SSBP2: variants seen among roughly 807,000 people sequenced by gnomAD.
The protein encoded by SSBP2 is single stranded DNA binding protein 2, also known as single-stranded DNA-binding protein 2.
A neutral mutation model predicts 61.8 loss-of-function variants in SSBP2; 17 were observed. That is an observed-to-expected ratio of 0.28 (90% CI 0.19 to 0.41). The LOEUF is 0.41. SSBP2 is among the 10% of genes least tolerant of loss of function. The pLI, the probability that SSBP2 is intolerant of heterozygous loss-of-function variation, is 1.00. For synonymous variants in SSBP2, 139 were observed against 141.3 expected, an observed-to-expected ratio of 0.98 and a Z score of 0.12; for missense variants, 310 against 458.7, an observed-to-expected ratio of 0.68 and a Z score of 2.96.
chr5:81,505,473 C>A (rs1384795640), intron 5 of SSBP2, among the ~76,000 whole-genome samples: 5 of 152,136 alleles, frequency 3.3e-5, no homozygotes, highest in African/African-American at 1.2e-4. Flanking sequence ...TGTTCCTTAT[C>A]TTTAATTCCC....
chr5:81,742,404 T>C (rs1757085809), intron 1 of SSBP2, among the ~76,000 whole-genome samples: 1 of 152,188 alleles, frequency 6.6e-6, no homozygotes, highest in African/African-American at 2.4e-5. Context: ...CTAGATACGG[T>C]GATAGACTAT....
chr5:81,557,271 C>G (rs779672019), intron 4 of SSBP2, among the ~76,000 whole-genome samples: 15 of 152,086 alleles, frequency 9.9e-5, no homozygotes, highest in Non-Finnish European at 1.5e-4. Context: ...TTTAGATTTT[C>G]TCTTAGCCAC....
At chr5:81,682,817 A>T (rs1752496392) in intron 1 of SSBP2, among the ~76,000 whole-genome samples, 1 of 152,196 alleles carries the variant, frequency 6.6e-6, no homozygotes. Context: ...CAATTATAGT[A>T]AGTTTGCAGA....
At chr5:81,512,780 T>C (rs1768714370) in intron 5 of SSBP2, among the ~76,000 whole-genome samples, 1 of 152,148 alleles carries the variant, frequency 6.6e-6, no homozygotes, top group African/African-American at 2.4e-5. Flanking sequence ...TGAAGAACTC[T>C]GAAAATACAA....
At chr5:81,455,783 CTTA>C (rs1362245511) in intron 10 of SSBP2, among the ~76,000 whole-genome samples, 3 of 152,052 alleles carry the variant, frequency 2.0e-5, no homozygotes, top group Non-Finnish European at 4.4e-5. Flanking sequence ...ATTTGAAGAA[CTTA>C]TTATTTGACA....
rs59039206 is a variant in SSBP2 at position 81,488,010 on chromosome 5, A to AATATATAT, written c.432+1232_432+1239dup. Among the ~76,000 whole-genome samples the AATATATAT allele has an allele frequency of 6.1e-3, 236 of 38,398 alleles. 5 individuals are homozygous for AATATATAT. Among genetic ancestry groups the AATATATAT allele is most frequent in the Non-Finnish European group, 8.7e-3 (170 of 19,562 alleles). The allele number at this position is 38,398 out of a possible 152,430, so 25.2% of individuals were successfully genotyped here. On this transcript the variant is annotated intron_variant, in intron 6 of 16. Transcript: ENST00000320672. ...ATTTCCTTCTTGTTTATGGCCAAAT[A>AATATATAT]ATATATATATATATATATATATATA...
chr5:81,614,965 A>G (rs1406031552), intron 4 of SSBP2: 1 of 152,616 alleles, frequency 6.6e-6, no homozygotes, highest in African/African-American at 2.4e-5. Context: ...AGAATCTTCT[A>G]CTCTTGTCTG....
At position 81,451,303 on chromosome 5, in the gene SSBP2, A is replaced by G. The variant is rs1580717842; in HGVS notation, c.688-2478T>C. Among the ~76,000 whole-genome samples the G allele has an allele frequency of 2.0e-5, 3 of 152,038 alleles. No individual in the cohort carries two copies. The Middle Eastern group carries it at 0.01, about 521-fold the overall frequency. On this transcript the variant is annotated intron_variant, in intron 10 of 16. Transcript: ENST00000320672. ...CAGCTCAACATTCTATTATTTATAG[A>G]TTTAAATTTTCATGTATATCCCAGA...
At chr5:81,704,338 C>T (rs1561710096) in intron 1 of SSBP2, among the ~76,000 whole-genome samples, 1 of 152,192 alleles carries the variant, frequency 6.6e-6, no homozygotes, top group East Asian at 1.9e-4. Flanking sequence ...TCCCATTTCT[C>T]TGACATACTA....
At chr5:81,672,472 T>C (rs1751650243) in intron 1 of SSBP2, among the ~76,000 whole-genome samples, 1 of 151,956 alleles carries the variant, frequency 6.6e-6, no homozygotes, top group African/African-American at 2.4e-5. Flanking sequence ...TCTCCACATA[T>C]GAAGCCAAAA....
At chr5:81,641,021 T>A (rs1748736654) in intron 2 of SSBP2, among the ~76,000 whole-genome samples, 2 of 152,190 alleles carry the variant, frequency 1.3e-5, no homozygotes, top group South Asian at 4.1e-4. Context: ...GACTGTGAAA[T>A]AAATAGATTT....
chr5:81,433,188 T>C (rs1418206534), intron 15 of SSBP2, among the ~76,000 whole-genome samples: 5 of 151,862 alleles, frequency 3.3e-5, no homozygotes, highest in Non-Finnish European at 7.4e-5. Context: ...GGGGAAAAGA[T>C]TGAGAAATCG....
At chr5:81,539,534 G>A (rs562067397) in intron 4 of SSBP2, among the ~76,000 whole-genome samples, 26 of 152,248 alleles carry the variant, frequency 1.7e-4, no homozygotes, top group African/African-American at 4.8e-4. Context: ...AAACAGTATT[G>A]TATGCTATTG....
Position 81,413,585 on chromosome 5 carries a change from C to T in SSBP2, c.*6919G>A, listed in dbSNP as rs1342311079. The T allele has an allele frequency of 2.0e-5, 3 of 152,240 alleles. No individual in the cohort carries two copies. Among genetic ancestry groups the T allele is most frequent in the Non-Finnish European group, 2.9e-5 (2 of 67,984 alleles). 9.4% of individuals were successfully genotyped at this position (152,240 alleles called of 1,614,324 possible). A position where few individuals can be genotyped will look rare whatever the true frequency, so the allele number is the denominator to read the frequency against. Reference sequence around the variant, plus strand: ...TACGTTAATGGCTATCATAAGTATTCTATTTATAAAGACTTTACCATTTTT... The same window carrying T: ...TACGTTAATGGCTATCATAAGTATTTTATTTATAAAGACTTTACCATTTTT... On this transcript the variant is annotated 3_prime_UTR_variant, in exon 17 of 17. Transcript: ENST00000320672.
intron 1 of SSBP2, among the ~76,000 whole-genome samples, chr5:81,718,482 T>A (rs7711330): frequency 0.092 from 13,906 of 151,950 alleles, 1,101 homozygotes; most frequent in East Asian, 0.37. Flanking sequence ...CCAATCAACC[T>A]CCTACCGGAA....
At chr5:81,680,609 A>C (rs1354000509) in intron 1 of SSBP2, among the ~76,000 whole-genome samples, 1 of 152,124 alleles carries the variant, frequency 6.6e-6, no homozygotes. Context: ...AGAAAGCCAG[A>C]GTAGCTATAT....
At chr5:81,632,909 C>A (rs1194449793) in intron 3 of SSBP2, among the ~76,000 whole-genome samples, 2 of 152,118 alleles carry the variant, frequency 1.3e-5, no homozygotes, top group Non-Finnish European at 2.9e-5. Flanking sequence ...TGTTTCCTAG[C>A]CCATTACTCA....
intron 5 of SSBP2, among the ~76,000 whole-genome samples, chr5:81,491,505 T>G (rs1766850598): frequency 6.6e-6 from 1 of 151,944 alleles, no homozygotes. Context: ...TGTGAATGAG[T>G]GTATGTTAAT....
intron 1 of SSBP2, among the ~76,000 whole-genome samples, chr5:81,677,939 C>T (rs1367918472): frequency 6.6e-6 from 1 of 151,918 alleles, no homozygotes; most frequent in East Asian, 1.9e-4. Context: ...CCCAACACAA[C>T]ACCACTAAGC....
Sources: gnomAD v4.1 joint callset for allele counts (sites outside exome capture counted in the v4.1 genomes callset) on GRCh38, gnomAD v4.1.1 for gene constraint, MANE v1.5 for transcripts, NCBI Gene and HGNC (gene_info 2026-07-23, HGNC 2026-07-21) for gene names.